Variants in DNAH11 observed in about 807,000 individuals in gnomAD.
DNAH11 encodes the protein dynein axonemal heavy chain 11.
A neutral mutation model predicts 526.0 loss-of-function variants in DNAH11; 442 were observed. The ratio of observed to expected loss-of-function variants is 0.84; its 90% confidence interval spans 0.78 to 0.91. The LOEUF (loss-of-function observed/expected upper bound fraction) is 0.91. Among genes scored for constraint, DNAH11 ranks in the 40% least tolerant of loss-of-function variants. The probability of loss-of-function intolerance (pLI) is 0.00; values close to 1 mark genes in which losing one functional copy is unlikely to be tolerated. For missense variants in DNAH11, 6,989 were observed against 5,448.7 expected (o/e 1.28, Z -8.90); for synonymous variants, 2,461 against 1,935.9 (o/e 1.27, Z -7.12).
chr7:21,728,865 T>C (rs1260499951), intron 45 of DNAH11, among the ~76,000 whole-genome samples: 1 of 152,272 alleles, frequency 6.6e-6, no homozygotes, highest in Non-Finnish European at 1.5e-5. Flanking sequence ...CTTTAGATTC[T>C]TAAGACTTCA....
intron 20 of DNAH11, 148 bp downstream of exon 20, chr7:21,606,881 T>G: frequency 2.8e-6 from 2 of 708,336 alleles, no homozygotes; most frequent in Non-Finnish European, 4.7e-6. Context: ...AATTTCCCCT[T>G]AAGTAAATTG....
intron 67 of DNAH11, among the ~76,000 whole-genome samples, chr7:21,853,111 C>T (rs1335663696): frequency 1.5e-4 from 23 of 152,164 alleles, no homozygotes; most frequent in African/African-American, 5.3e-4. Context: ...CTATTCACCC[C>T]AGGAAAAATG....
intron 65 of DNAH11, among the ~76,000 whole-genome samples, chr7:21,826,234 TAAG>T (rs1235343427): frequency 6.6e-6 from 1 of 152,186 alleles, no homozygotes; most frequent in African/African-American, 2.4e-5. Context: ...TTTTGCCTGA[TAAG>T]AAGTATCTTT....
intron 48 of DNAH11, among the ~76,000 whole-genome samples, chr7:21,740,975 A>C (rs1178600523): frequency 1.5e-4 from 23 of 152,118 alleles, no homozygotes; most frequent in Non-Finnish European, 2.6e-4. Context: ...TTTCCTAATG[A>C]TTAGTGATGT....
chr7:21,711,743 C>T lies in DNAH11; in HGVS notation c.6866C>T (p.Ala2289Val). The change falls in exon 42 of 82, where the codon GCA (alanine) becomes GTA (valine). Residue 2289 changes from alanine (A) to valine (V), a missense_variant. Physicochemically the swap from Ala to Val is moderately conservative, Grantham distance 64 (BLOSUM62 0). Coordinates refer to ENST00000409508, the MANE Select transcript of DNAH11 (RefSeq NM_001277115.2). ...VLTLASNERI[A>V]LTPFMRLLFE... is the part of the protein sequence containing the mutation. Reference sequence around the variant, plus strand: ...ACCCTCGCCAGCAATGAGCGCATTGCACTCACTCCCTTCATGAGGCTTCTG... The same window carrying T: ...ACCCTCGCCAGCAATGAGCGCATTGTACTCACTCCCTTCATGAGGCTTCTG... 3 of 1,613,844 alleles carry T rather than the reference C, an allele frequency of 1.9e-6. No homozygotes were observed. The highest frequency in any genetic ancestry group is 2.2e-5 in the East Asian group (1 of 44,874).
At chr7:21,862,433 A>C (rs909812628) in intron 69 of DNAH11, among the ~76,000 whole-genome samples, 1 of 152,326 alleles carries the variant, frequency 6.6e-6, no homozygotes, top group African/African-American at 2.4e-5. Flanking sequence ...GGGTTCGTCC[A>C]TGTTGTCAAA....
At chr7:21,606,877 C>T (rs969664564) in intron 20 of DNAH11, 144 bp downstream of exon 20, 1 of 716,222 alleles carries the variant, frequency 1.4e-6, no homozygotes, top group South Asian at 1.9e-5. Flanking sequence ...AAGCAATTTC[C>T]CCTTAAGTAA....
chr7:21,889,170 C>T (rs1583815364), intron 76 of DNAH11, among the ~76,000 whole-genome samples: 1 of 152,128 alleles, frequency 6.6e-6, no homozygotes, highest in African/African-American at 2.4e-5. Context: ...AATATGTAGC[C>T]TTCTTTCACT....
Position 21,763,349 on chromosome 7 carries a change from A to AG in DNAH11, c.8941-2079_8941-2078insG, listed in dbSNP as rs1244148547. Among the ~76,000 whole-genome samples, 15 of 84,880 alleles carry AG rather than the reference A, an allele frequency of 1.8e-4. 2 individuals carry two copies. Among genetic ancestry groups the AG allele is most frequent in the African/African-American group, 4.2e-4 (11 of 26,390 alleles). 55.7% of individuals were successfully genotyped at this position (84,880 alleles called of 152,430 possible). ...AGAGCAAGACTGTCTCAAAAAAAAA[A>AG]AAAAAAAGAAAAAAAAAAAGACTTA... On this transcript the variant is annotated intron_variant, in intron 54 of 81. Coordinates refer to ENST00000409508, the MANE Select transcript of DNAH11 (RefSeq NM_001277115.2).
chr7:21,662,938 T>C (rs1782291883), intron 30 of DNAH11, among the ~76,000 whole-genome samples: 1 of 152,126 alleles, frequency 6.6e-6, no homozygotes, highest in Non-Finnish European at 1.5e-5. Context: ...ATCTGAACAA[T>C]GTATAGTGTG....
intron 55 of DNAH11, among the ~76,000 whole-genome samples, chr7:21,772,063 T>A (rs2127978018): frequency 6.6e-6 from 1 of 152,298 alleles, no homozygotes; most frequent in African/African-American, 2.4e-5. Context: ...AGAGGTCTGT[T>A]CTGGAACGAT....
At chr7:21,893,834 T>C (rs564568238) in intron 77 of DNAH11, among the ~76,000 whole-genome samples, 2 of 152,316 alleles carry the variant, frequency 1.3e-5, no homozygotes, top group East Asian at 1.9e-4. Context: ...GCATCATAGT[T>C]CAGCAGAATT....
chr7:21,726,649 C>T (rs1413639756), intron 45 of DNAH11, among the ~76,000 whole-genome samples: 2 of 151,230 alleles, frequency 1.3e-5, no homozygotes, highest in Non-Finnish European at 2.9e-5. Flanking sequence ...ATCACGAGGT[C>T]AGGAGATCGA....
rs144492696 is a variant in DNAH11, at chr7:21,808,807, C to T, written c.10332+758C>T. 3.3e-3 allele frequency among the ~76,000 whole-genome samples: 503 copies of T among 152,216 alleles called. 1 individual carries two copies. The highest frequency in any genetic ancestry group is 0.011 in the African/African-American group (463 of 41,522). On this transcript the variant is annotated intron_variant, in intron 63 of 81. Transcript: ENST00000409508. ...TGTTGTTGGACACTTAGGTTGATTC[C>T]GTGTCTTGGCTATTGTGAATAGTGA...
intron 55 of DNAH11, among the ~76,000 whole-genome samples, chr7:21,767,799 A>G (rs1002806759): frequency 2.0e-5 from 3 of 152,214 alleles, no homozygotes; most frequent in South Asian, 2.1e-4. Context: ...AGTTTTTTGA[A>G]TGAGCACTAA....
intron 58 of DNAH11, 73 bp downstream of exon 58, chr7:21,784,613 G>C: frequency 9.1e-7 from 1 of 1,097,792 alleles, no homozygotes; most frequent in Non-Finnish European, 1.3e-6. Flanking sequence ...GAATAACTGA[G>C]CTGAGAGAGT....
At position 21,543,768 on chromosome 7, in the gene DNAH11, T is replaced by C; in HGVS notation, c.351+172T>C. On this transcript the variant is annotated intron_variant, in intron 1 of 81. Transcript: ENST00000409508. ...GACTCCTCCCCACGTGCACCCACTC[T>C]GCAGTTCAGCAGCTGCAGGTTAGTT... is the stretch of plus-strand genomic sequence containing the variant. The C allele has an allele frequency of 4.6e-6, 3 of 655,072 alleles. No homozygotes were observed. In the South Asian group the frequency reaches 6.0e-5, roughly 13 times the overall value. The allele number at this position is 655,072 out of a possible 1,614,324, so 40.6% of individuals were successfully genotyped here.
intron 65 of DNAH11, among the ~76,000 whole-genome samples, chr7:21,824,105 G>A (rs2128003958): frequency 6.6e-6 from 1 of 152,280 alleles, no homozygotes; most frequent in East Asian, 1.9e-4. Flanking sequence ...TCCTTTTCTA[G>A]CTTGGCACTG....
chr7:21,877,657 C>G (rs899977723), intron 74 of DNAH11, among the ~76,000 whole-genome samples: 2 of 151,764 alleles, frequency 1.3e-5, no homozygotes, highest in Non-Finnish European at 2.9e-5. Flanking sequence ...GGGCGGATCA[C>G]GAGGTCAGGA....
Sources: gnomAD v4.1 joint callset for allele counts (sites outside exome capture counted in the v4.1 genomes callset) on GRCh38, gnomAD v4.1.1 for gene constraint, MANE v1.5 for transcripts, NCBI Gene and HGNC (gene_info 2026-07-23, HGNC 2026-07-21) for gene names.